The following MIS12 variants were observed in gnomAD, a reference collection of about 807,000 sequenced individuals.
MIS12 encodes the protein protein MIS12 homolog.
A neutral mutation model predicts 16.5 loss-of-function variants in MIS12; 13 were observed. The ratio of observed to expected loss-of-function variants is 0.79; its 90% CI spans 0.51 to 1.25. The LOEUF (loss-of-function observed/expected upper bound fraction) is 1.25, where lower values mean the gene tolerates loss of function less well. Among genes scored for constraint, MIS12 ranks in the 50% most tolerant of loss-of-function variants. The pLI is 0.00. For missense variants in MIS12, 199 were observed against 239.5 expected (o/e 0.83, Z 1.12); for synonymous variants, 97 against 87.3 (o/e 1.11, Z -0.62).
chr17:5,488,697 T>A, intron 2 of MIS12, 108 bp downstream of exon 2: 1 of 734,654 alleles, frequency 1.4e-6, no homozygotes. Context: ...GCATCAGGTA[T>A]AAAGGAACAC....
chr17:5,486,877 C>G (rs1167432710), intron 1 of MIS12, 193 bp downstream of exon 1: 2 of 152,518 alleles, frequency 1.3e-5, no homozygotes, highest in Non-Finnish European at 2.9e-5. Flanking sequence ...TTCCTGCGCT[C>G]TGGCTTCTGG....
rs184738963 is a variant in MIS12 at position 5,488,503 on chromosome 17, C to A, written c.-127C>A. The A allele has an allele frequency of 5.1e-6, 1 of 195,070 alleles. No individual in the cohort carries two copies. The highest frequency in any genetic ancestry group is 1.4e-4 in the East Asian group (1 of 7,366). The allele number at this position is 195,070 out of a possible 1,614,324, so 12.1% of individuals were successfully genotyped here. A position where few individuals can be genotyped will look rare whatever the true frequency, so the allele number is the denominator to read the frequency against. On this transcript the variant is annotated 5_prime_UTR_variant, in exon 2 of 3. Transcript: ENST00000611091. The stretch of plus-strand genomic sequence containing the variant: ...GTCATTGAAGCTCAAGAAACTGAGT[C>A]TCTAGGGCATTGGTTAAGTCATCTG...
chr17:5,489,350 A>T lies in MIS12; in HGVS notation c.488A>T (p.His163Leu). ...ACGTTGACTTTCTTTGATGAGCTTC[A>T]TAATGTTGGCAGAGATCATGGGACT... The part of the protein sequence containing the change: ...KQTLTFFDEL[H>L]NVGRDHGTSD... Residue 163 changes from histidine to leucine, a missense_variant, in exon 3 of 3, where the codon CAT becomes CTT. His to Leu is a moderately conservative substitution (Grantham distance 99). Transcript: ENST00000611091. The T allele has an allele frequency of 1.9e-6, 3 of 1,614,078 alleles. No individual in the cohort carries two copies. The South Asian group carries it at 3.3e-5, about 18-fold the overall frequency.
intron 2 of MIS12, 79 bp from the exon 3 acceptor site, chr17:5,488,744 G>A: frequency 9.1e-7 from 1 of 1,099,540 alleles, no homozygotes; most frequent in Non-Finnish European, 1.3e-6. Context: ...TTCTTTGTTT[G>A]CTATCTGTAA....
At position 5,489,327 on chromosome 17, in the gene MIS12, G is replaced by A. The variant is rs201327847; in HGVS notation, c.465G>A (p.Thr155=). 8 of 1,613,860 alleles carry A rather than the reference G, an allele frequency of 5.0e-6. No individual in the cohort carries two copies. Among genetic ancestry groups the A allele is most frequent in the African/African-American group, 4.0e-5 (3 of 74,910 alleles). Residue 155 remains threonine (T), a synonymous_variant, in exon 3 of 3, where the codon ACG becomes ACA. Transcript: ENST00000611091. ...TTGTTCAGGCCAAACTCAAACAGAC[G>A]TTGACTTTCTTTGATGAGCTTCATA... is the stretch of plus-strand genomic sequence containing the variant. The part of the protein sequence containing the change: ...QKIVQAKLKQ[T]LTFFDELHNV...
At position 5,490,494 on chromosome 17, in the gene MIS12, A is replaced by G. The variant is rs1906711695; in HGVS notation, c.*1014A>G. 6.0e-6 allele frequency: 1 copy of G among 167,156 alleles called. No individual in the cohort carries two copies. Among genetic ancestry groups the G allele is most frequent in the South Asian group, 2.1e-4 (1 of 4,832 alleles). 10.4% of individuals were successfully genotyped at this position (167,156 alleles called of 1,614,324 possible). On this transcript the variant is annotated 3_prime_UTR_variant, in exon 3 of 3. Transcript: ENST00000611091. ...TTATTCACACTCATAAGCATCAAAT[A>G]TTTAATGCCCTCAGTGGGAAATTTG...
At position 5,490,371 on chromosome 17, in the gene MIS12, C is replaced by T. The variant is rs1743664067; in HGVS notation, c.*891C>T. On this transcript the variant is annotated 3_prime_UTR_variant, in exon 3 of 3. Coordinates refer to ENST00000611091, the MANE Select transcript of MIS12 (RefSeq NM_001258217.2). ...GAAAAGGAAGCATGTAGCATATACT[C>T]AGTAGTGAAATTTAATTTTACTGAC... The T allele has an allele frequency of 6.0e-6, 1 of 167,098 alleles. No homozygotes were observed. Among genetic ancestry groups the T allele is most frequent in the South Asian group, 2.1e-4 (1 of 4,826 alleles). 10.4% of individuals were successfully genotyped at this position (167,098 alleles called of 1,614,324 possible).
At chr17:5,487,969 C>T (rs546415498) in intron 1 of MIS12, among the ~76,000 whole-genome samples, 58 of 152,254 alleles carry the variant, frequency 3.8e-4, no homozygotes, top group African/African-American at 1.4e-3. Context: ...AGCTAATTGC[C>T]TTTATCTGAA....
Position 5,489,517 on chromosome 17 carries a change from T to A in MIS12, c.*37T>A. The A allele has an allele frequency of 6.5e-7, 1 of 1,545,340 alleles. No individual in the cohort carries two copies. Among genetic ancestry groups the A allele is most frequent in the Non-Finnish European group, 8.7e-7 (1 of 1,153,242 alleles). On this transcript the variant is annotated 3_prime_UTR_variant, in exon 3 of 3. Coordinates refer to ENST00000611091, the MANE Select transcript of MIS12 (RefSeq NM_001258217.2). Reference sequence around the variant, plus strand: ...TCAAAAGGAGGAGCCTGTCAAAAAGTAGAATCATAAGGACTGTTCAAACCA... The same window carrying A: ...TCAAAAGGAGGAGCCTGTCAAAAAGAAGAATCATAAGGACTGTTCAAACCA...
rs374421480 is a variant in MIS12 at position 5,489,469 on chromosome 17, A to G, written c.607A>G (p.Lys203Glu). The G allele has an allele frequency of 6.3e-7, 1 of 1,584,760 alleles. No homozygotes were observed. The highest frequency in any genetic ancestry group is 2.2e-5 in the East Asian group (1 of 44,776). ...DNVEKESKRLKIS is the reference protein window; with the variant it reads ...DNVEKESKRLEIS ...TGTGGAAAAGGAATCGAAACGACTG[A>G]AAATATCTTAATTGCTCAGTAGTCA... is the stretch of plus-strand genomic sequence containing the variant. Residue 203 changes from lysine (K) to glutamate (E), a missense_variant, in exon 3 of 3, where the codon AAA becomes GAA. Transcript: ENST00000611091.
chr17:5,486,791 C>G (rs531114906), intron 1 of MIS12, 107 bp downstream of exon 1: 1 of 152,524 alleles, frequency 6.6e-6, no homozygotes, highest in South Asian at 2.0e-4. Flanking sequence ...GGCCTCACCC[C>G]GGCCTCCGAC....
chr17:5,489,416 C>G lies in MIS12; in HGVS notation c.554C>G (p.Ser185Cys). 6.2e-7 allele frequency: 1 copy of G among 1,611,352 alleles called. No homozygotes were observed. The highest frequency in any genetic ancestry group is 1.1e-5 in the South Asian group (1 of 90,308). Residue 185 changes from serine to cysteine, a missense_variant, in exon 3 of 3, where the codon TCC becomes TGC. Coordinates refer to ENST00000611091, the MANE Select transcript of MIS12 (RefSeq NM_001258217.2). ...AGTTTAGTATCCCTGGTTCAGAACTCCAGAAAACTACAGAACATTAGAGAC... is the reference window on the plus strand; with the variant it reads ...AGTTTAGTATCCCTGGTTCAGAACTGCAGAAAACTACAGAACATTAGAGAC... ...RESLVSLVQN[S>C]RKLQNIRDNV...
rs1805464 is a variant in MIS12, at chr17:5,488,853, A to C, written c.-10A>C. ...TCACGACTGAAAACAACATAGCAAAATAAGCCAAGATGTCTGTGGATCCAA... is the reference window on the plus strand; with the variant it reads ...TCACGACTGAAAACAACATAGCAAACTAAGCCAAGATGTCTGTGGATCCAA... On this transcript the variant is annotated 5_prime_UTR_variant, in exon 3 of 3. Coordinates refer to ENST00000611091, the MANE Select transcript of MIS12 (RefSeq NM_001258217.2). The C allele has an allele frequency of 0.035, 55,456 of 1,596,858 alleles. 1,226 individuals are homozygous for C. The highest frequency in any genetic ancestry group is 0.085 in the African/African-American group (6,324 of 74,348).
rs568574390 is a variant in MIS12 at position 5,489,955 on chromosome 17, T to G, written c.*475T>G. ...CACAATCTTGGCTCACTGCAACCTC[T>G]GTGTCCTGGGCTCAAGTGATCCTCC... On this transcript the variant is annotated 3_prime_UTR_variant, in exon 3 of 3. Coordinates refer to ENST00000611091, the MANE Select transcript of MIS12 (RefSeq NM_001258217.2). 6.0e-6 allele frequency: 1 copy of G among 167,406 alleles called. No individual in the cohort carries two copies. Among genetic ancestry groups the G allele is most frequent in the East Asian group, 1.9e-4 (1 of 5,192 alleles). The allele number at this position is 167,406 out of a possible 1,614,324, so 10.4% of individuals were successfully genotyped here.
Position 5,488,540 on chromosome 17 carries a change from A to G in MIS12, c.-90A>G. 1 of 260,650 alleles carries G rather than the reference A, an allele frequency of 3.8e-6. No individual in the cohort carries two copies. Among genetic ancestry groups the G allele is most frequent in the South Asian group, 5.1e-5 (1 of 19,642 alleles). The allele number at this position is 260,650 out of a possible 1,614,324, so 16.1% of individuals were successfully genotyped here. On this transcript the variant is annotated 5_prime_UTR_variant, in exon 2 of 3. Transcript: ENST00000611091. ...GGTTAAGTCATCTGTCTAGACTTCA[A>G]AGTTGTCTAGGATGATAATTCAGAA...
Position 5,489,565 on chromosome 17 carries a change from A to C in MIS12, c.*85A>C, listed in dbSNP as rs1422883094. 7.3e-7 allele frequency: 1 copy of C among 1,377,474 alleles called. No homozygotes were observed. Among genetic ancestry groups the C allele is most frequent in the African/African-American group, 1.5e-5 (1 of 68,448 alleles). 85.3% of individuals were successfully genotyped at this position (1,377,474 alleles called of 1,614,324 possible). ...CCATAAGGACTGTTCAAATCATACC[A>C]GTGACTGTTCAAACCAACCATACTT... On this transcript the variant is annotated 3_prime_UTR_variant, in exon 3 of 3. Coordinates refer to ENST00000611091, the MANE Select transcript of MIS12 (RefSeq NM_001258217.2).
Position 5,488,790 on chromosome 17 carries a change from TCCAAATGAATTATTTCC to T in MIS12, c.-40-32_-40-16del. 1 of 1,507,566 alleles carries T rather than the reference TCCAAATGAATTATTTCC, an allele frequency of 6.6e-7. No individual in the cohort carries two copies. Among genetic ancestry groups the T allele is most frequent in the African/African-American group, 1.4e-5 (1 of 71,214 alleles). The allele number at this position is 1,507,566 out of a possible 1,614,324, so 93.4% of individuals were successfully genotyped here. On this transcript the variant is annotated splice_polypyrimidine_tract_variant and intron_variant, in intron 2 of 2. Coordinates refer to ENST00000611091, the MANE Select transcript of MIS12 (RefSeq NM_001258217.2). ...TACTTCCTGCAGAAGATTTTTTTTT[TCCAAATGAATTATTTCC>T]TTTTTACATTTGCAGGTTTTTCACG... is the stretch of plus-strand genomic sequence containing the variant.
rs1906648506 is a variant in MIS12 at position 5,489,768 on chromosome 17, A to G, written c.*288A>G. On this transcript the variant is annotated 3_prime_UTR_variant, in exon 3 of 3. Transcript: ENST00000611091. ...ACCAGTTAAAGATATTTGCAGAGTT[A>G]CACCTTGGTCATAAGTCCTTTGTGA... The G allele has an allele frequency of 3.3e-6, 1 of 300,230 alleles. No homozygotes were observed. The highest frequency in any genetic ancestry group is 2.2e-5 in the African/African-American group (1 of 45,836). 18.6% of individuals were successfully genotyped at this position (300,230 alleles called of 1,614,324 possible).
rs1450317364 is a variant in MIS12 at position 5,488,984 on chromosome 17, A to G, written c.122A>G (p.Gln41Arg). Reference sequence around the variant, plus strand: ...TTTGAAGTGATGCAGGCCGTTGAACAGGTTATTCTGAAGAAGCTGGATGGC... The same window carrying G: ...TTTGAAGTGATGCAGGCCGTTGAACGGGTTATTCTGAAGAAGCTGGATGGC... ...YLFEVMQAVE[Q>R]VILKKLDGIP... The change falls in exon 3 of 3, where the codon CAG (glutamine) becomes CGG (arginine). Residue 41 changes from glutamine to arginine, a missense_variant. By Grantham distance (43) the Gln-to-Arg change is conservative. Coordinates refer to ENST00000611091, the MANE Select transcript of MIS12 (RefSeq NM_001258217.2). The G allele has an allele frequency of 1.2e-6, 2 of 1,614,236 alleles. No individual in the cohort carries two copies. The highest frequency in any genetic ancestry group is 1.7e-6 in the Non-Finnish European group (2 of 1,180,046).
Sources: gnomAD v4.1 joint callset for allele counts (sites outside exome capture counted in the v4.1 genomes callset) on GRCh38, gnomAD v4.1.1 for gene constraint, MANE v1.5 for transcripts, NCBI Gene and HGNC (gene_info 2026-07-23, HGNC 2026-07-21) for gene names.